AMZ1: variants seen among roughly 807,000 people sequenced by gnomAD.
AMZ1 encodes the protein archaemetzincin-1.
A neutral mutation model predicts 29.9 loss-of-function variants in AMZ1; 39 were observed. That is an observed-to-expected ratio of 1.30 (90% CI 1.01 to 1.70). AMZ1 has a LOEUF of 1.70. Ranked by LOEUF, AMZ1 falls within the 40% of genes most tolerant of loss-of-function variation. The pLI is 0.00. For missense variants in AMZ1, 1,041 were observed against 680.6 expected, an observed-to-expected ratio of 1.53 and a Z score of -5.89; for synonymous variants, 458 against 304.0, an observed-to-expected ratio of 1.51 and a Z score of -5.27.
chr7:2,731,353 T>G lies in AMZ1; in HGVS notation n.550+21537T>G. On this transcript the variant is annotated intron_variant and non_coding_transcript_variant, in intron 4 of 4. Transcript: ENST00000489665. The surrounding 1 kb of genome is among the most constrained non-coding windows in gnomAD (Gnocchi z 6.0). ...CTGGACCAGGTAGCGCTGGACGTCC[T>G]CCAGCCTGTGCGGGTCGCCCCTGAA... 6.2e-7 allele frequency: 1 copy of G among 1,613,992 alleles called. No individual in the cohort carries two copies. Among genetic ancestry groups the G allele is most frequent in the South Asian group, 1.1e-5 (1 of 91,058 alleles).
rs1172925448 is a variant in AMZ1, at chr7:2,717,080, G to A, written c.*4202G>A. ...GCAGCCCCCACACACCGGCACCCAC[G>A]CCCCTCGGTTCTGATAACCAGGAGG... On this transcript the variant is annotated 3_prime_UTR_variant, in exon 7 of 7. Transcript: ENST00000683327. Among the ~76,000 whole-genome samples the A allele has an allele frequency of 6.6e-6, 1 of 152,146 alleles. No homozygotes were observed.
At chr7:2,703,602 G>A (rs976901127) in intron 3 of AMZ1, among the ~76,000 whole-genome samples, 11 of 152,180 alleles carry the variant, frequency 7.2e-5, no homozygotes, top group Admixed American at 3.3e-4. Flanking sequence ...GAGGTGAAGT[G>A]AGGGCTCTGT....
intron 1 of AMZ1, among the ~76,000 whole-genome samples, chr7:2,690,205 G>T (rs1363167116): frequency 1.3e-5 from 2 of 152,104 alleles, no homozygotes; most frequent in Non-Finnish European, 2.9e-5. Flanking sequence ...TTTTGTGTGT[G>T]TGTGAGAGAG....
chr7:2,695,903 G>A (rs191955632), intron 1 of AMZ1, among the ~76,000 whole-genome samples: 46 of 151,572 alleles, frequency 3.0e-4, no homozygotes, highest in African/African-American at 8.0e-4. Context: ...CCAGCTACTC[G>A]GGAGGCTGAG....
chr7:2,725,613 C>T (rs149591413), intron 4 of AMZ1, among the ~76,000 whole-genome samples: 8 of 152,328 alleles, frequency 5.3e-5, no homozygotes, highest in Non-Finnish European at 1.2e-4. Flanking sequence ...GGCCATGAAC[C>T]TGGGACCTGG....
intron 4 of AMZ1, among the ~76,000 whole-genome samples, chr7:2,744,545 T>C (rs916374881): frequency 2.0e-5 from 3 of 151,624 alleles, no homozygotes; most frequent in Non-Finnish European, 2.9e-5. Context: ...AGACCAAAGG[T>C]AGAAAAGACC....
upstream of AMZ1, chr7:2,762,199 G>A (rs955334613): frequency 6.0e-6 from 1 of 167,096 alleles, no homozygotes; most frequent in African/African-American, 2.4e-5. Context: ...CCCAGGCTTC[G>A]TTTCTAGGAG....
At position 2,719,233 on chromosome 7, in the gene AMZ1, T is replaced by C. The variant is rs1789310959; in HGVS notation, c.*6355T>C. Among the ~76,000 whole-genome samples, 1 of 152,192 alleles carries C rather than the reference T, an allele frequency of 6.6e-6. No individual in the cohort carries two copies. The highest frequency in any genetic ancestry group is 2.4e-5 in the African/African-American group (1 of 41,448). The stretch of plus-strand genomic sequence containing the variant: ...CTGTCGGAAGGGGGGTGTCTCTTTA[T>C]TCCTGCCATCCTCCGGCCGCCTCTC... On this transcript the variant is annotated 3_prime_UTR_variant, in exon 7 of 7. Transcript: ENST00000683327.
intron 1 of AMZ1, among the ~76,000 whole-genome samples, chr7:2,692,232 C>A (rs1787436194): frequency 6.6e-6 from 1 of 152,160 alleles, no homozygotes; most frequent in African/African-American, 2.4e-5. Context: ...AGGGAGGACA[C>A]AGTGGGGTTG....
upstream of AMZ1, among the ~76,000 whole-genome samples, chr7:2,764,064 G>A (rs1254273959): frequency 6.6e-6 from 1 of 152,030 alleles, no homozygotes; most frequent in African/African-American, 2.4e-5. Context: ...CTGATTGGTT[G>A]AGTATTTTTT....
At chr7:2,708,760 A>C (rs778347151) in intron 4 of AMZ1, 44 bp downstream of exon 4, 3 of 1,610,050 alleles carry the variant, frequency 1.9e-6, no homozygotes, top group South Asian at 2.2e-5. Context: ...GTAGCCTGGC[A>C]TGGGGCTGTG....
At chr7:2,753,797 G>GTT (rs1219771116) in intron 4 of AMZ1, among the ~76,000 whole-genome samples, 2 of 152,048 alleles carry the variant, frequency 1.3e-5, no homozygotes, top group Non-Finnish European at 2.9e-5. Context: ...TGTGCCATAA[G>GTT]TTTTTGTTTC....
chr7:2,706,453 G>A (rs111623654), intron 3 of AMZ1, among the ~76,000 whole-genome samples: 2 of 152,338 alleles, frequency 1.3e-5, no homozygotes, highest in African/African-American at 2.4e-5. Context: ...GAGTGGCTTA[G>A]GGACATTTCT....
rs184257093 is a variant in AMZ1, at chr7:2,734,771, T to C, written n.550+24955T>C. On this transcript the variant is annotated intron_variant and non_coding_transcript_variant, in intron 4 of 4. Transcript: ENST00000489665. ...CACGTCTCCCCATCCCAGCACTGCC[T>C]GTGTTGAGCGAGCACACATCCTCCT... 1.4e-3 allele frequency among the ~76,000 whole-genome samples: 210 copies of C among 152,332 alleles called. 1 individual carries two copies. Among genetic ancestry groups the C allele is most frequent in the African/African-American group, 4.3e-3 (179 of 41,562 alleles).
At chr7:2,719,857 AT>A (rs1195091046), downstream of AMZ1, among the ~76,000 whole-genome samples, 5 of 151,922 alleles carry the variant, frequency 3.3e-5, no homozygotes, top group Non-Finnish European at 5.9e-5. Flanking sequence ...TAATTTTTGT[AT>A]TTTTAGTAGA....
At chr7:2,751,109 C>T (rs975427078) in intron 4 of AMZ1, among the ~76,000 whole-genome samples, 10 of 152,198 alleles carry the variant, frequency 6.6e-5, no homozygotes, top group South Asian at 2.1e-4. Context: ...ATATTAGGGC[C>T]GGGCCCGGGG....
chr7:2,725,178 A>G (rs893670926), intron 4 of AMZ1, among the ~76,000 whole-genome samples: 6 of 152,212 alleles, frequency 3.9e-5, no homozygotes, highest in African/African-American at 7.2e-5. Flanking sequence ...GGACTAGTTC[A>G]GTGGGATGTG....
intron 3 of AMZ1, 36 bp from the exon 4 acceptor site, chr7:2,708,552 G>A (rs781536317): frequency 6.2e-7 from 1 of 1,608,972 alleles, no homozygotes; most frequent in South Asian, 1.1e-5. Context: ...GTCCCCGGCT[G>A]CCTCCTGACC....
chr7:2,733,028 G>A (rs1333360548), intron 4 of AMZ1, among the ~76,000 whole-genome samples: 2 of 152,154 alleles, frequency 1.3e-5, no homozygotes, highest in African/African-American at 2.4e-5. Flanking sequence ...GTCATTTTTC[G>A]TCTTGTCTTT....
Sources: gnomAD v4.1 joint callset for allele counts (sites outside exome capture counted in the v4.1 genomes callset) on GRCh38, gnomAD v4.1.1 for gene constraint, Gnocchi (gnomAD v3.1) non-coding constraint, MANE v1.5 for transcripts, NCBI Gene and HGNC (gene_info 2026-07-23, HGNC 2026-07-21) for gene names.